Variants in ARHGAP12 observed in about 807,000 individuals in gnomAD.
ARHGAP12 encodes Rho GTPase activating protein 12, also known as rho GTPase-activating protein 12.
Under a neutral mutation model 108.6 loss-of-function variants are expected in ARHGAP12, and 64 were observed. The observed-to-expected ratio is 0.59, with a 90% CI of 0.48 to 0.73. The LOEUF (loss-of-function observed/expected upper bound fraction) is 0.73, where lower values mean the gene tolerates loss of function less well. ARHGAP12 is among the 30% of genes least tolerant of loss of function. The pLI, the probability that ARHGAP12 is intolerant of heterozygous loss-of-function variation, is 0.00. For missense variants in ARHGAP12, 940 were observed against 1,005.9 expected (o/e 0.93, Z 0.89); for synonymous variants, 312 against 337.2 (o/e 0.93, Z 0.82).
intron 15 of ARHGAP12, among the ~76,000 whole-genome samples, chr10:31,811,351 A>G (rs1835009448): frequency 6.6e-6 from 1 of 152,242 alleles, no homozygotes; most frequent in Non-Finnish European, 1.5e-5. Flanking sequence ...ATTTCACAAA[A>G]TACATTTCAA....
rs1840181462 is a variant in ARHGAP12, at chr10:31,928,722, A to C, written c.-150T>G. The C allele has an allele frequency of 6.6e-6, 1 of 151,448 alleles. No homozygotes were observed. Among genetic ancestry groups the C allele is most frequent in the South Asian group, 2.1e-4 (1 of 4,826 alleles). 9.4% of individuals were successfully genotyped at this position (151,448 alleles called of 1,614,324 possible). The stretch of plus-strand genomic sequence containing the variant: ...CCTCGCAGCAGGCGGCTCCCTTCTT[A>C]GTCCGCCCCGCGGCTGCGGGTCGAC... On this transcript the variant is annotated 5_prime_UTR_variant, in exon 1 of 20. Transcript: ENST00000344936.
chr10:31,920,852 A>G (rs1839778031), intron 1 of ARHGAP12, among the ~76,000 whole-genome samples: 1 of 152,220 alleles, frequency 6.6e-6, no homozygotes, highest in Admixed American at 6.5e-5. Flanking sequence ...AACTGAAAAG[A>G]ACTGAAATTA....
In ARHGAP12 at chr10:31,908,874, C is replaced by G. The variant is rs1554790248; in HGVS notation, c.-19G>C. 1 of 1,556,732 alleles carries G rather than the reference C, an allele frequency of 6.4e-7. No homozygotes were observed. Among genetic ancestry groups the G allele is most frequent in the South Asian group, 1.2e-5 (1 of 82,774 alleles). ...TTTTCATTCAATAATATTCACCTCT[C>G]AAAAAGGATGTTATACCACATTATG... On this transcript the variant is annotated 5_prime_UTR_variant, in exon 3 of 20. Transcript: ENST00000344936.
At chr10:31,834,129 G>A (rs1416794428) in intron 9 of ARHGAP12, among the ~76,000 whole-genome samples, 1 of 152,100 alleles carries the variant, frequency 6.6e-6, no homozygotes, top group Admixed American at 6.5e-5. Context: ...CTGGGTAGCT[G>A]GTAATATCTC....
chr10:31,905,855 A>G (rs746845841), intron 3 of ARHGAP12, among the ~76,000 whole-genome samples: 7 of 151,818 alleles, frequency 4.6e-5, no homozygotes, highest in Admixed American at 1.3e-4. Flanking sequence ...AATAACAGAA[A>G]TAACAACAAT....
chr10:31,914,532 A>G (rs2799017), intron 1 of ARHGAP12, among the ~76,000 whole-genome samples: 81,243 of 151,926 alleles, frequency 0.53, 22,359 homozygotes, highest in African/African-American at 0.65. Context: ...AAAGCCAATA[A>G]GTGTAAGAAA....
chr10:31,834,982 CG>C (rs1834038240), intron 9 of ARHGAP12, among the ~76,000 whole-genome samples: 1 of 151,946 alleles, frequency 6.6e-6, no homozygotes, highest in African/African-American at 2.4e-5. Context: ...AGGTGGATCA[CG>C]AGGTCAGGAG....
intron 3 of ARHGAP12, among the ~76,000 whole-genome samples, chr10:31,882,510 G>A (rs1838012208): frequency 6.6e-6 from 1 of 152,086 alleles, no homozygotes; most frequent in Non-Finnish European, 1.5e-5. Context: ...ACAAAACTAT[G>A]AGCTCTTTAA....
chr10:31,876,554 A>C (rs1272651488), intron 3 of ARHGAP12, among the ~76,000 whole-genome samples: 2 of 151,660 alleles, frequency 1.3e-5, no homozygotes, highest in Non-Finnish European at 2.9e-5. Flanking sequence ...ACCAAAAAAA[A>C]AAAAAACCCA....
At chr10:31,825,376 G>A (rs966946303) in intron 11 of ARHGAP12, among the ~76,000 whole-genome samples, 8 of 151,882 alleles carry the variant, frequency 5.3e-5, no homozygotes, top group Non-Finnish European at 1.0e-4. Context: ...TATTGGTTAC[G>A]GTAGAATATG....
chr10:31,838,937 G>A (rs1468715137), intron 9 of ARHGAP12, among the ~76,000 whole-genome samples: 2 of 151,954 alleles, frequency 1.3e-5, no homozygotes, highest in African/African-American at 4.8e-5. Context: ...GGTGGGGGAG[G>A]GGCAGGTGGT....
intron 3 of ARHGAP12, among the ~76,000 whole-genome samples, chr10:31,899,431 A>C (rs1173839698): frequency 6.6e-6 from 1 of 152,236 alleles, no homozygotes; most frequent in Admixed American, 6.5e-5. Flanking sequence ...AACAGCCAAC[A>C]CAATACTGAA....
At position 31,807,847 on chromosome 10, in the gene ARHGAP12, A is replaced by T. The variant is rs1356162371; in HGVS notation, c.2367-15T>A. On this transcript the variant is annotated splice_polypyrimidine_tract_variant and intron_variant, in intron 19 of 19. Coordinates refer to ENST00000344936, the MANE Select transcript of ARHGAP12 (RefSeq NM_018287.7). ...TTTCTATAACTCTGAAGGGAAAAAA[A>T]GAAGTTGTTAAAAGAGAAAATAAGA... is the stretch of plus-strand genomic sequence containing the variant. 1.3e-6 allele frequency: 2 copies of T among 1,496,816 alleles called. No homozygotes were observed. The highest frequency in any genetic ancestry group is 1.8e-6 in the Non-Finnish European group (2 of 1,119,892). 92.7% of individuals were successfully genotyped at this position (1,496,816 alleles called of 1,614,324 possible). A position where few individuals can be genotyped will look rare whatever the true frequency, so the allele number is the denominator to read the frequency against.
intron 7 of ARHGAP12, 151 bp downstream of exon 7, chr10:31,843,310 T>C: frequency 2.5e-6 from 2 of 792,836 alleles, no homozygotes; most frequent in Admixed American, 3.4e-5. Flanking sequence ...CATTTCAACA[T>C]ACATGCAGAT....
At chr10:31,927,583 C>G (rs969988862) in intron 1 of ARHGAP12, among the ~76,000 whole-genome samples, 16 of 152,166 alleles carry the variant, frequency 1.1e-4, no homozygotes, top group African/African-American at 3.1e-4. Context: ...AACCCAAAAG[C>G]CAGCCACAAC....
intron 3 of ARHGAP12, among the ~76,000 whole-genome samples, chr10:31,890,232 C>G (rs1838363385): frequency 6.6e-6 from 1 of 152,214 alleles, no homozygotes; most frequent in Non-Finnish European, 1.5e-5. Context: ...AGTTTCAACC[C>G]AAGTTCAGTC....
At chr10:31,837,951 ACT>A (rs1836089679) in intron 9 of ARHGAP12, among the ~76,000 whole-genome samples, 1 of 152,194 alleles carries the variant, frequency 6.6e-6, no homozygotes, top group Non-Finnish European at 1.5e-5. Flanking sequence ...ATGAAGCTTT[ACT>A]CTGTCTGGTG....
intron 3 of ARHGAP12, among the ~76,000 whole-genome samples, chr10:31,874,667 T>C (rs1056689671): frequency 6.6e-6 from 1 of 150,578 alleles, no homozygotes; most frequent in Admixed American, 6.6e-5. Flanking sequence ...TAATGGACTC[T>C]ATAAGTAGAA....
intron 2 of ARHGAP12, among the ~76,000 whole-genome samples, chr10:31,910,077 G>A (rs1046136320): frequency 1.3e-5 from 2 of 152,214 alleles, no homozygotes; most frequent in East Asian, 3.9e-4. Flanking sequence ...CTCCCCTGGA[G>A]CCTTCCGAGG....
Sources: allele counts gnomAD v4.1 joint callset (sites outside exome capture counted in the v4.1 genomes callset), GRCh38; gene constraint gnomAD v4.1.1; transcripts MANE v1.5; gene names NCBI Gene and HGNC (gene_info 2026-07-23, HGNC 2026-07-21).